The following CLSTN2 variants were observed in gnomAD, a reference collection of about 807,000 sequenced individuals.
CLSTN2 encodes calsyntenin-2.
A neutral mutation model predicts 101.2 loss-of-function variants in CLSTN2; 48 were observed. The ratio of observed to expected loss-of-function variants is 0.47; its 90% CI spans 0.38 to 0.60. The LOEUF (loss-of-function observed/expected upper bound fraction) is 0.60. Among genes scored for constraint, CLSTN2 ranks in the 20% least tolerant of loss-of-function variants. The probability of loss-of-function intolerance (pLI) is 0.00; values close to 1 mark genes in which losing one functional copy is unlikely to be tolerated. For missense variants in CLSTN2, 1,160 were observed against 1,238.2 expected (o/e 0.94, Z 0.95); for synonymous variants, 481 against 463.6 (o/e 1.04, Z -0.48).
At chr3:140,382,393 G>A (rs1186596133) in intron 2 of CLSTN2, among the ~76,000 whole-genome samples, 2 of 152,194 alleles carry the variant, frequency 1.3e-5, no homozygotes. Context: ...CCCCAACAAT[G>A]TGAGGGCCAT....
At chr3:140,219,343 G>T (rs2086243594) in intron 2 of CLSTN2, among the ~76,000 whole-genome samples, 1 of 152,082 alleles carries the variant, frequency 6.6e-6, no homozygotes, top group South Asian at 2.1e-4. Flanking sequence ...GGGAACCTCT[G>T]GGCTCACACA....
chr3:139,978,760 A>G (rs1935865173), intron 1 of CLSTN2, among the ~76,000 whole-genome samples: 1 of 151,752 alleles, frequency 6.6e-6, no homozygotes, highest in Non-Finnish European at 1.5e-5. Flanking sequence ...GTAGAAAGTC[A>G]ATACCTAATG....
intron 6 of CLSTN2, among the ~76,000 whole-genome samples, chr3:140,453,611 T>C (rs935717265): frequency 1.3e-5 from 2 of 152,222 alleles, no homozygotes; most frequent in South Asian, 4.1e-4. Flanking sequence ...GAAAGCAGTT[T>C]GAATGTTCTC....
intron 1 of CLSTN2, among the ~76,000 whole-genome samples, chr3:139,967,225 C>T (rs940263091): frequency 3.9e-5 from 6 of 152,152 alleles, no homozygotes; most frequent in African/African-American, 1.2e-4. Flanking sequence ...ATAAGGACTA[C>T]TTTGAAAGGA....
chr3:140,343,143 T>C (rs1238694562), intron 2 of CLSTN2, among the ~76,000 whole-genome samples: 1 of 152,156 alleles, frequency 6.6e-6, no homozygotes, highest in African/African-American at 2.4e-5. Flanking sequence ...CCTCATCCCA[T>C]GGGCCATGGC....
intron 2 of CLSTN2, among the ~76,000 whole-genome samples, chr3:140,300,312 T>G (rs1408001238): frequency 1.3e-5 from 2 of 152,206 alleles, no homozygotes; most frequent in African/African-American, 4.8e-5. Flanking sequence ...TGATGCTGAT[T>G]AATGCCCTTC....
intron 1 of CLSTN2, among the ~76,000 whole-genome samples, chr3:140,027,865 A>T (rs1294693684): frequency 6.6e-6 from 1 of 152,196 alleles, no homozygotes; most frequent in African/African-American, 2.4e-5. Flanking sequence ...CGTGGTTGAG[A>T]GCAGAAGCTG....
intron 2 of CLSTN2, among the ~76,000 whole-genome samples, chr3:140,218,705 T>G (rs2086233143): frequency 6.6e-6 from 1 of 152,232 alleles, no homozygotes; most frequent in Admixed American, 6.5e-5. Context: ...CTCAAGAAGC[T>G]TTCAAGATAG....
At chr3:139,997,191 C>T (rs1188127752) in intron 1 of CLSTN2, among the ~76,000 whole-genome samples, 1 of 151,794 alleles carries the variant, frequency 6.6e-6, no homozygotes, top group Non-Finnish European at 1.5e-5. Context: ...TTTTGTTAGT[C>T]ATTTATTTCT....
At chr3:140,471,852 A>C (rs1436898236) in intron 8 of CLSTN2, among the ~76,000 whole-genome samples, 1 of 152,214 alleles carries the variant, frequency 6.6e-6, no homozygotes, top group African/African-American at 2.4e-5. Flanking sequence ...AAAATTTCTC[A>C]ACTTTAATAT....
intron 2 of CLSTN2, among the ~76,000 whole-genome samples, chr3:140,365,144 C>T (rs375011557): frequency 2.0e-5 from 3 of 152,278 alleles, no homozygotes; most frequent in African/African-American, 7.2e-5. Context: ...AGAACCAACC[C>T]TCAGCAAGGA....
intron 10 of CLSTN2, among the ~76,000 whole-genome samples, chr3:140,553,167 C>T (rs1935737705): frequency 6.6e-6 from 1 of 152,144 alleles, no homozygotes; most frequent in Non-Finnish European, 1.5e-5. Context: ...CAGTGAGACA[C>T]CGCTCCTCAG....
intron 1 of CLSTN2, among the ~76,000 whole-genome samples, chr3:140,082,991 T>G (rs1171165601): frequency 1.3e-5 from 2 of 152,216 alleles, no homozygotes; most frequent in East Asian, 1.9e-4. Flanking sequence ...CCTTTACACA[T>G]GCTGTTTCCG....
intron 1 of CLSTN2, among the ~76,000 whole-genome samples, chr3:140,077,691 G>GA (rs1195987849): frequency 1.1e-3 from 159 of 142,994 alleles, no homozygotes; most frequent in Middle Eastern, 7.1e-3. Flanking sequence ...TAGAGGGGAG[G>GA]AAAAAAAAAA....
intron 1 of CLSTN2, among the ~76,000 whole-genome samples, chr3:140,005,286 C>T (rs972187471): frequency 2.6e-5 from 4 of 152,138 alleles, no homozygotes; most frequent in African/African-American, 7.2e-5. Context: ...GATTTTTGCC[C>T]CTCTCCTCAC....
intron 1 of CLSTN2, among the ~76,000 whole-genome samples, chr3:139,992,483 C>T (rs902847713): frequency 5.9e-5 from 9 of 152,146 alleles, no homozygotes; most frequent in Non-Finnish European, 1.0e-4. Flanking sequence ...TCACCAGAGT[C>T]AAAGCTCTCC....
intron 8 of CLSTN2, among the ~76,000 whole-genome samples, chr3:140,475,944 A>C (rs1241724298): frequency 6.6e-6 from 1 of 152,244 alleles, no homozygotes; most frequent in African/African-American, 2.4e-5. Context: ...ATAAATGCTT[A>C]GTAAATCAAA....
chr3:140,501,064 TTGC>T (rs1934565122), intron 8 of CLSTN2, among the ~76,000 whole-genome samples: 1 of 152,208 alleles, frequency 6.6e-6, no homozygotes, highest in Admixed American at 6.5e-5. Context: ...GGAGCGAATC[TTGC>T]TGTTGAGAGA....
At chr3:140,419,305 A>C (rs1241536322) in intron 4 of CLSTN2, among the ~76,000 whole-genome samples, 1 of 149,462 alleles carries the variant, frequency 6.7e-6, no homozygotes, top group African/African-American at 2.5e-5. Context: ...CAACATGGCG[A>C]AACCCCATCT....
Sources: allele counts gnomAD v4.1 joint callset (sites outside exome capture counted in the v4.1 genomes callset), GRCh38; gene constraint gnomAD v4.1.1; transcripts MANE v1.5; gene names NCBI Gene and HGNC (gene_info 2026-07-23, HGNC 2026-07-21).